Variants in LRP1B observed in about 807,000 individuals in gnomAD.
The protein encoded by LRP1B is LDL receptor related protein 1B.
A neutral mutation model predicts 556.6 loss-of-function variants in LRP1B; 217 were observed. The ratio of observed to expected loss-of-function variants is 0.39; its 90% CI spans 0.35 to 0.44. The LOEUF (loss-of-function observed/expected upper bound fraction) is 0.44. LRP1B is among the 20% of genes least tolerant of loss of function. LRP1B has a pLI of 1.00. For missense variants in LRP1B, 5,053 were observed against 5,620.8 expected (o/e 0.90, Z 3.23); for synonymous variants, 2,047 against 1,865.8 (o/e 1.10, Z -2.50).
At chr2:141,989,642 A>T (rs1349817354) in intron 1 of LRP1B, among the ~76,000 whole-genome samples, 1 of 152,008 alleles carries the variant, frequency 6.6e-6, no homozygotes, top group South Asian at 2.1e-4. Context: ...AAACTGAATC[A>T]TGGGCGTGGT....
At chr2:140,443,493 A>G (rs909172773) in intron 65 of LRP1B, among the ~76,000 whole-genome samples, 1 of 152,206 alleles carries the variant, frequency 6.6e-6, no homozygotes, top group Non-Finnish European at 1.5e-5. Flanking sequence ...TTCTGAATGC[A>G]CCATCTTAAT....
At chr2:141,686,467 A>G (rs920965355) in intron 2 of LRP1B, among the ~76,000 whole-genome samples, 2 of 152,000 alleles carry the variant, frequency 1.3e-5, no homozygotes, top group Non-Finnish European at 1.5e-5. Context: ...CAGTACATAT[A>G]TTATTATAAT....
chr2:142,068,955 T>C (rs911034876), intron 1 of LRP1B, among the ~76,000 whole-genome samples: 1 of 151,614 alleles, frequency 6.6e-6, no homozygotes, highest in Admixed American at 6.6e-5. Context: ...GCTGAAGAAA[T>C]GTTTGTTGAA....
At chr2:141,877,021 T>G (rs1168592701) in intron 1 of LRP1B, among the ~76,000 whole-genome samples, 2 of 151,958 alleles carry the variant, frequency 1.3e-5, no homozygotes, top group African/African-American at 2.4e-5. Context: ...CAAGAAATAT[T>G]TTCATCTTTT....
intron 25 of LRP1B, among the ~76,000 whole-genome samples, chr2:140,881,200 A>G (rs1693461917): frequency 6.6e-6 from 1 of 151,804 alleles, no homozygotes; most frequent in Non-Finnish European, 1.5e-5. Context: ...CTGAGTTTAA[A>G]TAAAATTATA....
chr2:142,040,566 T>G (rs948063952), intron 1 of LRP1B, among the ~76,000 whole-genome samples: 2 of 149,328 alleles, frequency 1.3e-5, no homozygotes. Flanking sequence ...TCCCATGGAA[T>G]GAAAAGTACA....
chr2:140,947,716 G>A (rs1043341470), intron 20 of LRP1B, among the ~76,000 whole-genome samples: 7 of 152,098 alleles, frequency 4.6e-5, no homozygotes, highest in African/African-American at 1.7e-4. Context: ...AGTCATCCTG[G>A]AATGTTAACT....
intron 45 of LRP1B, among the ~76,000 whole-genome samples, chr2:140,536,950 G>T (rs1679931507): frequency 6.6e-6 from 1 of 151,086 alleles, no homozygotes; most frequent in South Asian, 2.1e-4. Flanking sequence ...GAGGTGGGTA[G>T]ATCATGAGGT....
chr2:141,464,887 G>A (rs1346825775), intron 3 of LRP1B, among the ~76,000 whole-genome samples: 1 of 151,678 alleles, frequency 6.6e-6, no homozygotes. Flanking sequence ...TCACCTGATG[G>A]AATTTGAAAT....
chr2:142,018,564 G>A (rs1703226095), intron 1 of LRP1B, among the ~76,000 whole-genome samples: 1 of 151,726 alleles, frequency 6.6e-6, no homozygotes, highest in Non-Finnish European at 1.5e-5. Context: ...TAAAATCCAA[G>A]CCATATTTAC....
intron 3 of LRP1B, among the ~76,000 whole-genome samples, chr2:141,329,655 A>AAAAAACAAAACAAAAC (rs1553497028): frequency 1.2e-4 from 17 of 138,126 alleles, no homozygotes; most frequent in South Asian, 2.2e-4. Context: ...AAAAAAAAAA[A>AAAAAACAAAACAAAAC]AAAAAAAAAA....
chr2:140,526,487 C>T, intron 47 of LRP1B, 137 bp from the exon 48 acceptor site: 1 of 592,472 alleles, frequency 1.7e-6, no homozygotes, highest in South Asian at 2.1e-5. Flanking sequence ...AACTTGACCC[C>T]TGAACCCCAC....
chr2:140,418,887 C>T (rs555869588), intron 66 of LRP1B, among the ~76,000 whole-genome samples: 3 of 152,058 alleles, frequency 2.0e-5, no homozygotes, highest in South Asian at 4.2e-4. Flanking sequence ...TCTCCGGTGC[C>T]GAAAAGGTTG....
At position 141,028,714 on chromosome 2, in the gene LRP1B, T is replaced by C. The variant is rs79127306; in HGVS notation, c.1790-8612A>G. ...TCTTAGATCTTTTTAATCAGTTTAA[T>C]TACTGTTTTTAAAGTAATGACAACT... On this transcript the variant is annotated intron_variant, in intron 11 of 90. Coordinates refer to ENST00000389484, the MANE Select transcript of LRP1B (RefSeq NM_018557.3). Among the ~76,000 whole-genome samples, 319 of 152,246 alleles carry C rather than the reference T, an allele frequency of 2.1e-3. 1 individual carries two copies. The highest frequency in any genetic ancestry group is 7.5e-3 in the African/African-American group (311 of 41,554).
At chr2:140,521,137 T>A (rs572859920) in intron 49 of LRP1B, among the ~76,000 whole-genome samples, 12 of 152,094 alleles carry the variant, frequency 7.9e-5, no homozygotes, top group African/African-American at 2.2e-4. Flanking sequence ...GATGGTATAA[T>A]TCATGAAAAT....
At chr2:140,287,233 G>A (rs982648217) in intron 84 of LRP1B, among the ~76,000 whole-genome samples, 1 of 151,412 alleles carries the variant, frequency 6.6e-6, no homozygotes, top group Non-Finnish European at 1.5e-5. Context: ...TTTAGATAGG[G>A]GATCTGATCA....
intron 54 of LRP1B, 130 bp downstream of exon 54, chr2:140,502,833 G>T: frequency 2.4e-6 from 2 of 818,808 alleles, no homozygotes; most frequent in Non-Finnish European, 3.8e-6. Flanking sequence ...ACCCTGCATG[G>T]TGTCACTAGA....
chr2:141,419,265 G>C (rs1217971280), intron 3 of LRP1B, among the ~76,000 whole-genome samples: 1 of 152,042 alleles, frequency 6.6e-6, no homozygotes, highest in Non-Finnish European at 1.5e-5. Flanking sequence ...TTCTTGTGAT[G>C]CCTTTTCCTG....
At position 141,545,520 on chromosome 2, in the gene LRP1B, G is replaced by A. The variant is rs888690637; in HGVS notation, c.206-64987C>T. ...GAAAAGATAATTCTGGATTATCCACGTGGGCCCAGTTCAATCACATGAGTC... is the reference window on the plus strand; with the variant it reads ...GAAAAGATAATTCTGGATTATCCACATGGGCCCAGTTCAATCACATGAGTC... On this transcript the variant is annotated intron_variant, in intron 2 of 90. Coordinates refer to ENST00000389484, the MANE Select transcript of LRP1B (RefSeq NM_018557.3). 7.2e-5 allele frequency among the ~76,000 whole-genome samples: 11 copies of A among 152,204 alleles called. 1 individual carries two copies. Among genetic ancestry groups the A allele is most frequent in the South Asian group, 6.2e-4 (3 of 4,824 alleles).
Sources: gnomAD v4.1 joint callset for allele counts (sites outside exome capture counted in the v4.1 genomes callset) on GRCh38, gnomAD v4.1.1 for gene constraint, MANE v1.5 for transcripts, NCBI Gene and HGNC (gene_info 2026-07-23, HGNC 2026-07-21) for gene names.